The following FGF14 variants were observed in gnomAD, a reference collection of about 807,000 sequenced individuals.
FGF14 encodes fibroblast growth factor 14.
A neutral mutation model predicts 25.5 loss-of-function variants in FGF14; 5 were observed. The observed-to-expected ratio is 0.20, with a 90% CI of 0.10 to 0.41. FGF14 has a LOEUF of 0.41. Among genes scored for constraint, FGF14 ranks in the 10% least tolerant of loss-of-function variants. The probability of loss-of-function intolerance (pLI) is 1.00; values close to 1 mark genes in which losing one functional copy is unlikely to be tolerated. For missense variants in FGF14, 222 were observed against 320.1 expected (o/e 0.69, Z 2.34); for synonymous variants, 138 against 118.3 (o/e 1.17, Z -1.08).
chr13:102,053,388 C>A lies in FGF14; in HGVS notation c.209-178092G>T, dbSNP rs569069302. Among the ~76,000 whole-genome samples, 21 of 151,722 alleles carry A rather than the reference C, an allele frequency of 1.4e-4. No individual in the cohort carries two copies. In the South Asian group the frequency reaches 2.3e-3, roughly 17 times the overall value. On this transcript the variant is annotated intron_variant, in intron 1 of 4. Transcript: ENST00000376131. Reference sequence around the variant, plus strand: ...AAAAGGATTCCTTGCAAATGGAAACCAAAATAGAGAAATTATTTCAAATAA... The same window carrying A: ...AAAAGGATTCCTTGCAAATGGAAACAAAAATAGAGAAATTATTTCAAATAA...
chr13:102,140,051 C>T (rs947595238), intron 1 of FGF14, among the ~76,000 whole-genome samples: 3 of 144,442 alleles, frequency 2.1e-5, no homozygotes, highest in African/African-American at 7.8e-5. Context: ...AGACCCCCCC[C>T]CCCCCTTACA....
At chr13:102,132,130 T>C (rs1213421749) in intron 1 of FGF14, among the ~76,000 whole-genome samples, 2 of 152,260 alleles carry the variant, frequency 1.3e-5, no homozygotes, top group Admixed American at 6.5e-5. Flanking sequence ...ATGTTTTCCA[T>C]GGTCTCCTAT....
rs528560115 is a variant in FGF14 at position 101,781,150 on chromosome 13, C to T, written c.409-54340G>A. Among the ~76,000 whole-genome samples, 560 of 152,090 alleles carry T rather than the reference C, an allele frequency of 3.7e-3. 3 individuals are homozygous for T. The highest frequency in any genetic ancestry group is 0.012 in the African/African-American group (511 of 41,500). On this transcript the variant is annotated intron_variant, in intron 3 of 4. Coordinates refer to ENST00000376143, the MANE Select transcript of FGF14 (RefSeq NM_004115.4). ...TCTTTGTCTTTGTCTCTCTCTCTCT[C>T]TCACTCACTCATTTCAGTTAAGTTG... is the stretch of plus-strand genomic sequence containing the variant.
chr13:101,731,616 G>C (rs930103979), intron 3 of FGF14, among the ~76,000 whole-genome samples: 15 of 152,120 alleles, frequency 9.9e-5, no homozygotes, highest in African/African-American at 3.6e-4. Flanking sequence ...GGAAAATACC[G>C]TGATGGGCCA....
At chr13:101,999,037 C>T (rs752099784) in intron 1 of FGF14, among the ~76,000 whole-genome samples, 3 of 152,170 alleles carry the variant, frequency 2.0e-5, no homozygotes, top group African/African-American at 4.8e-5. Flanking sequence ...CTATGCTTCT[C>T]AGAATCTCCA....
chr13:102,058,628 G>T (rs1353123192), intron 1 of FGF14, among the ~76,000 whole-genome samples: 1 of 152,098 alleles, frequency 6.6e-6, no homozygotes, highest in Non-Finnish European at 1.5e-5. Flanking sequence ...ACCTCTTAGT[G>T]TGTCATCCCC....
rs11069472 is a variant in FGF14 at position 101,979,961 on chromosome 13, G to T, written c.209-104665C>A. Among the ~76,000 whole-genome samples the T allele has an allele frequency of 2.0e-5, 3 of 152,264 alleles. No individual in the cohort carries two copies. The South Asian group carries it at 6.2e-4, about 32-fold the overall frequency. ...CTAAATTGCCAGTCAACACTAAATC[G>T]TTTGCTGCAAGGAAAACAGCTGCCC... On this transcript the variant is annotated intron_variant, in intron 1 of 4. Transcript: ENST00000376131.
At chr13:101,915,232 G>A (rs1227936698) in intron 1 of FGF14, among the ~76,000 whole-genome samples, 1 of 151,828 alleles carries the variant, frequency 6.6e-6, no homozygotes, top group Non-Finnish European at 1.5e-5. Context: ...TTCAGCATTA[G>A]CCTTTAAAAA....
chr13:102,230,448 G>A (rs560953692), intron 1 of FGF14, among the ~76,000 whole-genome samples: 1 of 152,182 alleles, frequency 6.6e-6, no homozygotes, highest in South Asian at 2.1e-4. Flanking sequence ...AAAATAAAAG[G>A]GTCCTATATT....
At chr13:101,959,217 C>T (rs1374853221) in intron 1 of FGF14, among the ~76,000 whole-genome samples, 1 of 152,092 alleles carries the variant, frequency 6.6e-6, no homozygotes, top group Non-Finnish European at 1.5e-5. Flanking sequence ...GGAGGTGGAG[C>T]TCCGGCGGTC....
chr13:102,217,472 A>G (rs561255239), intron 1 of FGF14, among the ~76,000 whole-genome samples: 9 of 152,314 alleles, frequency 5.9e-5, no homozygotes, highest in Admixed American at 5.2e-4. Flanking sequence ...ACCTCAATTT[A>G]CTATTAGCTA....
chr13:102,224,570 C>CA (rs773160282), intron 1 of FGF14, among the ~76,000 whole-genome samples: 39 of 151,564 alleles, frequency 2.6e-4, no homozygotes, highest in African/African-American at 8.2e-4. Flanking sequence ...CTGAAATTGA[C>CA]AAAAAAAATA....
intron 1 of FGF14, among the ~76,000 whole-genome samples, chr13:101,951,840 C>T (rs992326): frequency 0.44 from 67,113 of 151,960 alleles, 17,413 homozygotes; most frequent in East Asian, 0.71. Flanking sequence ...TAAACCAGAC[C>T]ATCCTCTTTT....
intron 1 of FGF14, among the ~76,000 whole-genome samples, chr13:101,990,742 T>C (rs1007174479): frequency 2.6e-5 from 4 of 152,074 alleles, no homozygotes; most frequent in Non-Finnish European, 5.9e-5. Flanking sequence ...AGTGATAACA[T>C]CCATTAGCTA....
chr13:102,110,925 A>T (rs2045192866), intron 1 of FGF14, among the ~76,000 whole-genome samples: 1 of 152,166 alleles, frequency 6.6e-6, no homozygotes, highest in Non-Finnish European at 1.5e-5. Context: ...TAAACTGACA[A>T]AGGTTCCCAT....
At chr13:102,067,194 G>C (rs1431932700) in intron 1 of FGF14, among the ~76,000 whole-genome samples, 1 of 152,130 alleles carries the variant, frequency 6.6e-6, no homozygotes, top group East Asian at 1.9e-4. Flanking sequence ...TCATCAAAAG[G>C]CCATTTGGGA....
chr13:102,126,915 A>G (rs2045972754), intron 1 of FGF14, among the ~76,000 whole-genome samples: 1 of 152,140 alleles, frequency 6.6e-6, no homozygotes, highest in Admixed American at 6.6e-5. Context: ...TAAAATACCT[A>G]AAGAAGATTT....
At chr13:101,796,828 T>C (rs1000801904) in intron 3 of FGF14, among the ~76,000 whole-genome samples, 1 of 152,112 alleles carries the variant, frequency 6.6e-6, no homozygotes, top group Non-Finnish European at 1.5e-5. Flanking sequence ...TAGTACATTG[T>C]TACGGCAGCC....
intron 3 of FGF14, among the ~76,000 whole-genome samples, chr13:101,827,362 G>T (rs540839325): frequency 6.6e-6 from 1 of 151,992 alleles, no homozygotes; most frequent in East Asian, 1.9e-4. Flanking sequence ...AGTAGTGTAA[G>T]GATAATAAAA....
Sources: allele counts gnomAD v4.1 joint callset (sites outside exome capture counted in the v4.1 genomes callset), GRCh38; gene constraint gnomAD v4.1.1; transcripts MANE v1.5; gene names NCBI Gene and HGNC (gene_info 2026-07-23, HGNC 2026-07-21).